Variants in EBF1 observed in about 807,000 individuals in gnomAD.
The protein encoded by EBF1 is EBF transcription factor 1.
In EBF1, 10 loss-of-function variants were observed where a neutral mutation model predicts 68.4. That is an observed-to-expected ratio of 0.15 (90% confidence interval 0.09 to 0.25). EBF1 has a LOEUF of 0.25. Ranked by LOEUF, EBF1 falls within the 10% of genes least tolerant of loss-of-function variation. The probability of loss-of-function intolerance (pLI) is 1.00; values close to 1 mark genes in which losing one functional copy is unlikely to be tolerated. For synonymous variants in EBF1, 298 were observed against 299.8 expected, an observed-to-expected ratio of 0.99 and a Z score of 0.06; for missense variants, 509 against 794.4, an observed-to-expected ratio of 0.64 and a Z score of 4.32.
At chr5:158,859,380 T>TTC (rs1794608389) in intron 6 of EBF1, among the ~76,000 whole-genome samples, 1 of 152,186 alleles carries the variant, frequency 6.6e-6, no homozygotes, top group Non-Finnish European at 1.5e-5. Flanking sequence ...CCCATAAGAC[T>TTC]TCCCAGATTT....
At chr5:158,769,484 G>A (rs1385613777) in intron 10 of EBF1, among the ~76,000 whole-genome samples, 1 of 152,082 alleles carries the variant, frequency 6.6e-6, no homozygotes, top group Non-Finnish European at 1.5e-5. Flanking sequence ...CATATTTCTT[G>A]GAAAGTATAT....
intron 6 of EBF1, among the ~76,000 whole-genome samples, chr5:158,969,888 G>GAAAGAAA (rs1755112184): frequency 1.0e-5 from 1 of 95,400 alleles, no homozygotes; most frequent in African/African-American, 3.9e-5. Context: ...AAGAAAGAAA[G>GAAAGAAA]AAAGAAAGAA....
intron 1 of EBF1, among the ~76,000 whole-genome samples, chr5:159,097,783 C>T (rs1360744341): frequency 6.6e-6 from 1 of 152,236 alleles, no homozygotes; most frequent in Non-Finnish European, 1.5e-5. Flanking sequence ...CAAAGTTTCG[C>T]TGTTCCGCAG....
intron 8 of EBF1, among the ~76,000 whole-genome samples, chr5:158,817,270 T>G (rs1783948081): frequency 6.6e-6 from 1 of 152,096 alleles, no homozygotes. Context: ...CTTTGCCTAG[T>G]GCTATGGTTT....
chr5:159,064,899 C>CTTTTTTTTTTTT (rs57256923), intron 6 of EBF1, among the ~76,000 whole-genome samples: 70 of 67,922 alleles, frequency 1.0e-3, no homozygotes, highest in South Asian at 1.6e-3. Context: ...CTCTTTTCAT[C>CTTTTTTTTTTTT]TTTTTTTTTT....
chr5:158,999,428 C>G (rs748546713), intron 6 of EBF1, among the ~76,000 whole-genome samples: 1 of 152,208 alleles, frequency 6.6e-6, no homozygotes, highest in Non-Finnish European at 1.5e-5. Context: ...GTCTTCAAAT[C>G]TTTTTCTCTC....
intron 9 of EBF1, among the ~76,000 whole-genome samples, chr5:158,793,265 C>T (rs1779000408): frequency 2.0e-5 from 3 of 152,314 alleles, no homozygotes; most frequent in Non-Finnish European, 4.4e-5. Context: ...TAGTCACACT[C>T]TGCATTTTCT....
chr5:159,073,534 GGCTCAAATT>G, intron 5 of EBF1, 70 bp from the exon 6 acceptor site: 1 of 1,553,310 alleles, frequency 6.4e-7, no homozygotes, highest in Non-Finnish European at 8.9e-7. Flanking sequence ...GCAGACAGAA[GGCTCAAATT>G]GCTGGGTTGC....
rs1783229024 is a variant in EBF1 at position 159,099,351 on chromosome 5, G to A, written c.128C>T (p.Ala43Val). The A allele has an allele frequency of 6.3e-7, 1 of 1,586,300 alleles. No individual in the cohort carries two copies. The highest frequency in any genetic ancestry group is 8.6e-7 in the Non-Finnish European group (1 of 1,167,892). ...GTCCCCGCGCAGTACCCACCTCTGC[G>A]CCGCCGTGTTGGCGTCCAGCACCCC... ...GAGVLDANTA[A>V]QSGVGLARAH... is the part of the protein sequence containing the mutation. Residue 43 changes from alanine to valine, a missense_variant, in exon 1 of 16, where the codon GCG (alanine) becomes GTG (valine). This residue lies in a region of EBF1 where 74 missense variants were observed against 79.4 expected (regional missense o/e 0.93). Transcript: ENST00000313708.
intron 3 of EBF1, chr5:159,096,108 A>G: frequency 1.7e-6 from 1 of 579,974 alleles, no homozygotes; most frequent in Non-Finnish European, 3.1e-6. Context: ...TGGCTCAGGG[A>G]GGGATGAGGC....
chr5:158,735,701 G>T (rs1482688079), intron 10 of EBF1, among the ~76,000 whole-genome samples: 1 of 152,134 alleles, frequency 6.6e-6, no homozygotes, highest in Non-Finnish European at 1.5e-5. Context: ...AAAAGTTAAT[G>T]AAATGGTTAA....
intron 15 of EBF1, among the ~76,000 whole-genome samples, chr5:158,699,990 G>A (rs1561666105): frequency 6.6e-6 from 1 of 152,206 alleles, no homozygotes; most frequent in Non-Finnish European, 1.5e-5. Context: ...TTTCTGCTGT[G>A]AAGCTCAGCT....
At chr5:158,969,916 GAAAAAAAA>G (rs61157554) in intron 6 of EBF1, among the ~76,000 whole-genome samples, 6,321 of 79,990 alleles carry the variant, frequency 0.079, 522 homozygotes, top group Non-Finnish European at 0.095. Flanking sequence ...AAGAAAGAAA[GAAAAAAAA>G]AAAAAAGGCT....
rs983557532 is a variant in EBF1, at chr5:158,840,118, G to T, written c.555-8C>A. On this transcript the variant is annotated splice_region_variant and splice_polypyrimidine_tract_variant and intron_variant, in intron 6 of 15. Transcript: ENST00000313708. ...AAAAATTTCAAGAAGAACCTGTGAA[G>T]AAACAAATCATCATGGTTAGCATTT... The T allele has an allele frequency of 2.2e-5, 35 of 1,610,198 alleles. No individual in the cohort carries two copies. Among genetic ancestry groups the T allele is most frequent in the Non-Finnish European group, 3.0e-5 (35 of 1,176,538 alleles).
At chr5:159,017,557 G>C (rs975725516) in intron 6 of EBF1, among the ~76,000 whole-genome samples, 4 of 152,134 alleles carry the variant, frequency 2.6e-5, no homozygotes, top group African/African-American at 9.7e-5. Context: ...AAATAGCAAG[G>C]TCTCAACCTT....
Position 159,053,609 on chromosome 5 carries a change from A to T in EBF1, c.554+19787T>A, listed in dbSNP as rs879601742. On this transcript the variant is annotated intron_variant, in intron 6 of 15. Transcript: ENST00000313708. The stretch of plus-strand genomic sequence containing the variant: ...CTCTCCCTCTCTCTCTCTCTCTCAC[A>T]CACACACACACACACACACACACAC... 2.6e-3 allele frequency among the ~76,000 whole-genome samples: 379 copies of T among 147,646 alleles called. 1 individual carries two copies. The highest frequency in any genetic ancestry group is 3.4e-3 in the Middle Eastern group (1 of 290).
At chr5:158,818,215 G>C (rs1784137251) in intron 8 of EBF1, among the ~76,000 whole-genome samples, 1 of 152,116 alleles carries the variant, frequency 6.6e-6, no homozygotes, top group African/African-American at 2.4e-5. Context: ...AGGGAAAAGA[G>C]ACAGGCTCAA....
At chr5:158,857,469 A>C (rs560273636) in intron 6 of EBF1, among the ~76,000 whole-genome samples, 1 of 152,242 alleles carries the variant, frequency 6.6e-6, no homozygotes, top group South Asian at 2.1e-4. Flanking sequence ...GAAGTCCCGA[A>C]GACCAAATTT....
intron 10 of EBF1, among the ~76,000 whole-genome samples, chr5:158,757,428 G>GT (rs1770370231): frequency 6.6e-6 from 1 of 152,144 alleles, no homozygotes; most frequent in African/African-American, 2.4e-5. Context: ...AATCAGACTT[G>GT]TTAGACTATA....
Sources: gnomAD v4.1 joint callset for allele counts (sites outside exome capture counted in the v4.1 genomes callset) on GRCh38, gnomAD v4.1.1 for gene constraint, gnomAD v4.1.1 regional missense constraint, MANE v1.5 for transcripts, NCBI Gene and HGNC (gene_info 2026-07-23, HGNC 2026-07-21) for gene names.